ADAM2: variants seen among roughly 807,000 people sequenced by gnomAD.
ADAM2 encodes the protein disintegrin and metalloproteinase domain-containing protein 2.
ADAM2 carries 101 observed loss-of-function variants against 99.3 expected under a neutral mutation model. The observed-to-expected ratio is 1.02, with a 90% CI of 0.87 to 1.20. The LOEUF is 1.20. Among genes scored for constraint, ADAM2 ranks in the 50% most tolerant of loss-of-function variants. ADAM2 has a pLI of 0.00. For synonymous variants in ADAM2, 323 were observed against 287.6 expected (o/e 1.12, Z -1.25); for missense variants, 948 against 878.7 (o/e 1.08, Z -1.00).
Position 39,831,289 on chromosome 8 carries a change from AG to A in ADAM2, c.188+2654del, listed in dbSNP as rs1805607816. ...TCAGGCAGATGTGAAATGGATTCCA[AG>A]CAGCCCTATTATTATGGAACCCTGA... is the stretch of plus-strand genomic sequence containing the variant. On this transcript the variant is annotated intron_variant, in intron 3 of 20. Transcript: ENST00000265708. Among the ~76,000 whole-genome samples, 3 of 152,152 alleles carry A rather than the reference AG, an allele frequency of 2.0e-5. No homozygotes were observed. In the South Asian group the frequency reaches 6.2e-4, roughly 31 times the overall value.
At chr8:39,835,109 T>C (rs991148261) in intron 2 of ADAM2, among the ~76,000 whole-genome samples, 5 of 152,200 alleles carry the variant, frequency 3.3e-5, no homozygotes, top group Non-Finnish European at 5.9e-5. Flanking sequence ...CTTCAACAAA[T>C]AAACTCTGCT....
chr8:39,755,306 T>C (rs751071698), intron 16 of ADAM2, among the ~76,000 whole-genome samples: 1 of 152,236 alleles, frequency 6.6e-6, no homozygotes, highest in Admixed American at 6.5e-5. Flanking sequence ...TCTTTTAAAG[T>C]TTGTTTTTTC....
intron 7 of ADAM2, among the ~76,000 whole-genome samples, chr8:39,799,847 G>C (rs79247414): frequency 6.6e-6 from 1 of 152,086 alleles, no homozygotes; most frequent in South Asian, 2.1e-4. Flanking sequence ...TCAGAGACTA[G>C]GAATACAACC....
intron 7 of ADAM2, among the ~76,000 whole-genome samples, chr8:39,805,361 A>G (rs978410541): frequency 2.0e-5 from 3 of 152,216 alleles, no homozygotes; most frequent in Non-Finnish European, 4.4e-5. Flanking sequence ...AAAAATATCT[A>G]GTTTACAAAG....
chr8:39,810,507 A>G (rs887284071), intron 6 of ADAM2, among the ~76,000 whole-genome samples: 1 of 152,224 alleles, frequency 6.6e-6, no homozygotes, highest in African/African-American at 2.4e-5. Flanking sequence ...CATCGCACTT[A>G]TTCCAAAATT....
intron 3 of ADAM2, among the ~76,000 whole-genome samples, chr8:39,829,278 C>A (rs1259158367): frequency 2.0e-5 from 3 of 151,902 alleles, no homozygotes; most frequent in Non-Finnish European, 2.9e-5. Flanking sequence ...TTACCAAATA[C>A]CATAAGTGTG....
At chr8:39,794,079 G>A (rs1163004796) in intron 7 of ADAM2, among the ~76,000 whole-genome samples, 8 of 152,124 alleles carry the variant, frequency 5.3e-5, no homozygotes, top group East Asian at 1.9e-4. Flanking sequence ...ATTTGCATGT[G>A]TTTTTATGAA....
chr8:39,814,927 A>G (rs1020490469), intron 6 of ADAM2, among the ~76,000 whole-genome samples: 2 of 151,910 alleles, frequency 1.3e-5, no homozygotes, highest in African/African-American at 4.8e-5. Context: ...TAAAATGTGA[A>G]TGTATAAGGA....
chr8:39,758,473 A>G (rs1802233424), intron 15 of ADAM2, among the ~76,000 whole-genome samples: 2 of 152,112 alleles, frequency 1.3e-5, no homozygotes, highest in African/African-American at 4.8e-5. Flanking sequence ...TTTGAAGGGT[A>G]TACAGGAATT....
intron 4 of ADAM2, among the ~76,000 whole-genome samples, chr8:39,822,762 GTTTTGTT>G (rs1805248143): frequency 6.7e-6 from 1 of 149,054 alleles, no homozygotes; most frequent in Non-Finnish European, 1.5e-5. Flanking sequence ...TTTTTGTTTT[GTTTTGTT>G]TTTTGTTTTT....
chr8:39,787,394 AG>A (rs1456100787), intron 9 of ADAM2, among the ~76,000 whole-genome samples: 1 of 151,532 alleles, frequency 6.6e-6, no homozygotes, highest in South Asian at 2.1e-4. Context: ...CTTGTTAATG[AG>A]CAGAATCACT....
At chr8:39,813,146 GCAGCCAACAGA>G (rs1484426521) in intron 6 of ADAM2, among the ~76,000 whole-genome samples, 2 of 152,178 alleles carry the variant, frequency 1.3e-5, no homozygotes, top group African/African-American at 4.8e-5. Context: ...AGACGTTTAT[GCAGCCAACAGA>G]CAGATGAAAA....
rs140508835 is a variant in ADAM2 at position 39,834,713 on chromosome 8, C to T, written c.133-714G>A. Reference sequence around the variant, plus strand: ...TCACACCATTGCCCTCCAGCCTGGGCGACAGGGCAAGACTCCATCAAAAAA... The same window carrying T: ...TCACACCATTGCCCTCCAGCCTGGGTGACAGGGCAAGACTCCATCAAAAAA... On this transcript the variant is annotated intron_variant, in intron 2 of 20. Transcript: ENST00000265708. 8.0e-3 allele frequency among the ~76,000 whole-genome samples: 881 copies of T among 110,154 alleles called. 5 individuals carry two copies. The highest frequency in any genetic ancestry group is 0.065 in the Middle Eastern group (8 of 124). The allele number at this position is 110,154 out of a possible 152,430, so 72.3% of individuals were successfully genotyped here.
At chr8:39,780,871 A>G (rs1339153937) in intron 10 of ADAM2, among the ~76,000 whole-genome samples, 7 of 152,150 alleles carry the variant, frequency 4.6e-5, no homozygotes, top group African/African-American at 1.7e-4. Flanking sequence ...GATATTACAA[A>G]TGGGTTTGAA....
chr8:39,807,458 T>C (rs1804486155), intron 7 of ADAM2, among the ~76,000 whole-genome samples: 2 of 151,972 alleles, frequency 1.3e-5, no homozygotes, highest in Admixed American at 6.6e-5. Flanking sequence ...AGGGCTGGAG[T>C]TCTATGGAGT....
intron 4 of ADAM2, among the ~76,000 whole-genome samples, chr8:39,822,336 AAGTT>A (rs1477553707): frequency 3.3e-5 from 5 of 152,174 alleles, no homozygotes; most frequent in African/African-American, 1.2e-4. Context: ...GAGTATCAGG[AAGTT>A]ACATCAACCT....
At chr8:39,796,449 C>G (rs1314339548) in intron 7 of ADAM2, among the ~76,000 whole-genome samples, 1 of 152,096 alleles carries the variant, frequency 6.6e-6, no homozygotes, top group Non-Finnish European at 1.5e-5. Flanking sequence ...TATTGATGGG[C>G]ATTTGACTTG....
chr8:39,766,946 T>C lies in ADAM2; in HGVS notation c.1409A>G (p.Tyr470Cys), dbSNP rs757329571. The change falls in exon 14 of 21, where the codon TAT becomes TGT. Residue 470 changes from tyrosine (Y) to cysteine (C), a missense_variant. Transcript: ENST00000265708. ...TCCACACGGATGCCCAGTCTGAACA[T>C]AGTGGTTTTCTGGGCATGATGCAGA... Reference protein sequence around the residue: ...GSSASCPENHYVQTGHPCGLN... With the variant: ...GSSASCPENHCVQTGHPCGLN... The C allele has an allele frequency of 6.2e-7, 1 of 1,614,162 alleles. No individual in the cohort carries two copies. The highest frequency in any genetic ancestry group is 1.1e-5 in the South Asian group (1 of 91,080).
chr8:39,809,492 CA>C, intron 6 of ADAM2, 26 bp from the exon 7 acceptor site: 1 of 1,151,068 alleles, frequency 8.7e-7, no homozygotes, highest in Non-Finnish European at 1.3e-6. Context: ...AATTTTACAT[CA>C]AAATTACAGA....
Sources: allele counts gnomAD v4.1 joint callset (sites outside exome capture counted in the v4.1 genomes callset), GRCh38; gene constraint gnomAD v4.1.1; transcripts MANE v1.5; gene names NCBI Gene and HGNC (gene_info 2026-07-23, HGNC 2026-07-21).